LRRIQ1: variants seen among roughly 807,000 people sequenced by gnomAD.
LRRIQ1 encodes leucine-rich repeat- and IQ domain-containing protein 1.
A neutral mutation model predicts 211.9 loss-of-function variants in LRRIQ1; 210 were observed. The ratio of observed to expected loss-of-function variants is 0.99; its 90% CI spans 0.89 to 1.11. The LOEUF (loss-of-function observed/expected upper bound fraction) is 1.11. Among genes scored for constraint, LRRIQ1 ranks in the 50% most tolerant of loss-of-function variants. The pLI is 0.00. For missense variants in LRRIQ1, 2,136 were observed against 1,939.5 expected (o/e 1.10, Z -1.90); for synonymous variants, 699 against 650.1 (o/e 1.08, Z -1.14).
Position 85,098,974 on chromosome 12 carries a change from T to C in LRRIQ1, c.3189T>C (p.Asn1063=). Residue 1063 remains asparagine (N), a synonymous_variant, in exon 13 of 27, where the codon AAT becomes AAC. Transcript: ENST00000393217. Reference sequence around the variant, plus strand: ...CATACTGGCTGCCTTTACTACAAAATATTACTATCTCTCAAAACAGGTAAA... The same window carrying C: ...CATACTGGCTGCCTTTACTACAAAACATTACTATCTCTCAAAACAGGTAAA... ...FSSYWLPLLQ[N]ITISQNSLTK... 6.4e-7 allele frequency: 1 copy of C among 1,563,986 alleles called. No homozygotes were observed. The highest frequency in any genetic ancestry group is 8.7e-7 in the Non-Finnish European group (1 of 1,150,548).
At chr12:85,149,033 G>C (rs957303749) in intron 19 of LRRIQ1, among the ~76,000 whole-genome samples, 1 of 151,824 alleles carries the variant, frequency 6.6e-6, no homozygotes, top group African/African-American at 2.4e-5. Flanking sequence ...TGAGTTCCTA[G>C]TAACTTCTGG....
intron 11 of LRRIQ1, among the ~76,000 whole-genome samples, chr12:85,090,985 G>A (rs1320867352): frequency 6.6e-6 from 1 of 152,118 alleles, no homozygotes; most frequent in African/African-American, 2.4e-5. Flanking sequence ...CTTATGGGGT[G>A]GATCCCTGAT....
chr12:85,086,730 G>T lies in LRRIQ1; in HGVS notation c.2888-11625G>T, dbSNP rs1018888929. Among the ~76,000 whole-genome samples, 9 of 151,748 alleles carry T rather than the reference G, an allele frequency of 5.9e-5. No individual in the cohort carries two copies. The East Asian group carries it at 1.7e-3, about 29-fold the overall frequency. ...TGATGAAACTGAGATTCAGGGAGGT[G>T]GTGCCACTTCACCAGAACTCAACAA... On this transcript the variant is annotated intron_variant, in intron 11 of 26. Coordinates refer to ENST00000393217, the MANE Select transcript of LRRIQ1 (RefSeq NM_001079910.2).
intron 1 of LRRIQ1, among the ~76,000 whole-genome samples, chr12:85,254,355 T>C (rs1288149648): frequency 1.3e-5 from 2 of 152,200 alleles, no homozygotes; most frequent in Admixed American, 1.3e-4. Context: ...CCATGATGTT[T>C]AACTAGCATT....
chr12:85,189,948 T>C (rs913843796), intron 24 of LRRIQ1, among the ~76,000 whole-genome samples: 6 of 142,620 alleles, frequency 4.2e-5, no homozygotes, highest in Admixed American at 2.2e-4. Flanking sequence ...TATTATTGTA[T>C]TATATATTAA....
chr12:85,250,425 A>T (rs1895873101), intron 1 of LRRIQ1, among the ~76,000 whole-genome samples: 1 of 151,700 alleles, frequency 6.6e-6, no homozygotes, highest in African/African-American at 2.4e-5. Context: ...TATGAAGCCA[A>T]TCCTGTAATT....
rs1880956547 is a variant in LRRIQ1 at position 85,055,801 on chromosome 12, A to G, written c.1008A>G (p.Arg336=). The G allele has an allele frequency of 1.3e-6, 2 of 1,599,090 alleles. No individual in the cohort carries two copies. Among genetic ancestry groups the G allele is most frequent in the Non-Finnish European group, 1.7e-6 (2 of 1,170,966 alleles). Residue 336 remains arginine, a synonymous_variant, in exon 8 of 27, where the codon CGA becomes CGG. Transcript: ENST00000393217. The part of the protein sequence containing the change: ...AKIRQKEEEN[R]KRLEEEQRIK... ...TACGACAAAAGGAGGAAGAAAATCG[A>G]AAAAGATTAGAGGAGGAACAAAGGA...
At position 85,066,657 on chromosome 12, in the gene LRRIQ1, A is replaced by G. The variant is rs146546333; in HGVS notation, c.2545-91A>G. The G allele has an allele frequency of 2.7e-4, 245 of 901,538 alleles. 3 individuals are homozygous for G. The East Asian group carries it at 5.7e-3, about 21-fold the overall frequency. The allele number at this position is 901,538 out of a possible 1,614,324, so 55.8% of individuals were successfully genotyped here. A position where few individuals can be genotyped will look rare whatever the true frequency, so the allele number is the denominator to read the frequency against. On this transcript the variant is annotated intron_variant, in intron 9 of 26. Transcript: ENST00000393217. ...ATTCAGATATTAATTTGGAGATCCT[A>G]TCTCATCTTTCTTTCCTCTTTTTGA...
chr12:85,224,630 A>G (rs1894559971), intron 24 of LRRIQ1, among the ~76,000 whole-genome samples: 2 of 151,598 alleles, frequency 1.3e-5, no homozygotes, highest in East Asian at 2.0e-4. Flanking sequence ...AAGATAACAC[A>G]GGAACAGAAA....
intron 11 of LRRIQ1, among the ~76,000 whole-genome samples, chr12:85,076,093 G>A (rs1051941753): frequency 6.6e-6 from 1 of 151,770 alleles, no homozygotes; most frequent in Admixed American, 6.6e-5. Flanking sequence ...AACTCTTTAT[G>A]CTGAACAAAT....
Position 85,104,082 on chromosome 12 carries a change from GT to G in LRRIQ1, c.3283+8del. ...TCAGCCACAATTGTCTTTCTGGTAA[GT>G]TTAGCATAATATATATATTTTAATA... is the stretch of plus-strand genomic sequence containing the variant. On this transcript the variant is annotated splice_donor_region_variant and intron_variant, in intron 14 of 26. Transcript: ENST00000393217. 2 of 1,463,622 alleles carry G rather than the reference GT, an allele frequency of 1.4e-6. No homozygotes were observed. Among genetic ancestry groups the G allele is most frequent in the Admixed American group, 2.1e-5 (1 of 47,062 alleles). The allele number at this position is 1,463,622 out of a possible 1,614,324, so 90.7% of individuals were successfully genotyped here.
intron 10 of LRRIQ1, among the ~76,000 whole-genome samples, chr12:85,071,968 TA>T (rs1194669195): frequency 1.3e-5 from 2 of 152,092 alleles, no homozygotes; most frequent in African/African-American, 4.8e-5. Flanking sequence ...TGCCATTTAG[TA>T]CTTTTACCAC....
chr12:85,192,986 TATATA>T (rs1277308184), intron 24 of LRRIQ1, among the ~76,000 whole-genome samples: 1 of 71,448 alleles, frequency 1.4e-5, no homozygotes, highest in Non-Finnish European at 2.3e-5. Flanking sequence ...AATATATAAT[TATATA>T]ATATAATATA....
At chr12:85,136,178 G>A (rs1211517242) in intron 18 of LRRIQ1, among the ~76,000 whole-genome samples, 1 of 107,852 alleles carries the variant, frequency 9.3e-6, no homozygotes, top group Middle Eastern at 5.1e-3. Flanking sequence ...TTGTGTATGT[G>A]TATGTGGGTG....
intron 8 of LRRIQ1, among the ~76,000 whole-genome samples, chr12:85,063,230 T>TG (rs1397058632): frequency 1.3e-5 from 2 of 151,646 alleles, no homozygotes; most frequent in Non-Finnish European, 2.9e-5. Flanking sequence ...ATTTTTTTTT[T>TG]TTGTTGCAAT....
At chr12:85,264,578 T>C (rs980825850), downstream of LRRIQ1, 4 of 152,060 alleles carry the variant, frequency 2.6e-5, no homozygotes, top group African/African-American at 9.7e-5. Flanking sequence ...ACTTAATTCA[T>C]GTTGATGGAA....
rs1292086295 is a variant in LRRIQ1, at chr12:85,187,661, T to TG, written c.4822+26947_4822+26948insG. On this transcript the variant is annotated intron_variant, in intron 24 of 26. Transcript: ENST00000393217. ...GTTTCTACTAAAAATACAAAAAAAATAGCTGGGCGTGGTGGCTCATGCCTG... is the reference window on the plus strand; with the variant it reads ...GTTTCTACTAAAAATACAAAAAAAATGAGCTGGGCGTGGTGGCTCATGCCTG... Among the ~76,000 whole-genome samples, 612 of 151,540 alleles carry TG rather than the reference T, an allele frequency of 4.0e-3. 2 individuals carry two copies. The highest frequency in any genetic ancestry group is 0.014 in the African/African-American group (584 of 41,320).
intron 1 of LRRIQ1, among the ~76,000 whole-genome samples, chr12:85,252,983 T>A (rs1565929795): frequency 6.6e-6 from 1 of 151,956 alleles, no homozygotes; most frequent in East Asian, 1.9e-4. Flanking sequence ...AAGTAAATGA[T>A]ACAGTTTTTT....
intron 11 of LRRIQ1, among the ~76,000 whole-genome samples, chr12:85,084,765 A>G (rs563479513): frequency 6.6e-6 from 1 of 151,990 alleles, no homozygotes; most frequent in East Asian, 1.9e-4. Context: ...GTCTCTACTA[A>G]AAATACAAAA....
Sources: gnomAD v4.1 joint callset for allele counts (sites outside exome capture counted in the v4.1 genomes callset) on GRCh38, gnomAD v4.1.1 for gene constraint, MANE v1.5 for transcripts, NCBI Gene and HGNC (gene_info 2026-07-23, HGNC 2026-07-21) for gene names.